The following CAMKMT variants were observed in gnomAD, a reference collection of about 807,000 sequenced individuals.
CAMKMT encodes the protein calmodulin-lysine N-methyltransferase, also known as CaM KMT.
CAMKMT carries 53 observed loss-of-function variants against 48.0 expected under a neutral mutation model. The ratio of observed to expected loss-of-function variants is 1.10; its 90% CI spans 0.89 to 1.39. The LOEUF is 1.39. Among genes scored for constraint, CAMKMT ranks in the 40% most tolerant of loss-of-function variants. CAMKMT has a pLI of 0.00. For missense variants in CAMKMT, 428 were observed against 402.7 expected (o/e 1.06, Z -0.54); for synonymous variants, 165 against 152.3 (o/e 1.08, Z -0.61).
At chr2:44,631,784 C>G in intron 3 of CAMKMT, 1 of 350,844 alleles carries the variant, frequency 2.9e-6, no homozygotes, top group Non-Finnish European at 5.1e-6. Flanking sequence ...TTCTTTTTAC[C>G]TCTTTCCTGT....
chr2:44,570,957 CA>C (rs1463471131), intron 3 of CAMKMT, among the ~76,000 whole-genome samples: 1 of 151,870 alleles, frequency 6.6e-6, no homozygotes, highest in African/African-American at 2.4e-5. Context: ...TTATTGATAC[CA>C]AAAAACACCA....
chr2:44,505,475 G>A (rs966614474), intron 3 of CAMKMT, among the ~76,000 whole-genome samples: 1 of 152,088 alleles, frequency 6.6e-6, no homozygotes, highest in Non-Finnish European at 1.5e-5. Context: ...TCTAGGTCCT[G>A]AAAACTTTTC....
In CAMKMT at chr2:44,663,506, T is replaced by G. The variant is rs543208095; in HGVS notation, c.377-40777T>G. ...AACTATGGACATTTCAATGTGGACA[T>G]CAGAGAGTAATAACTTTTAAAAGGT... On this transcript the variant is annotated intron_variant, in intron 3 of 10. Transcript: ENST00000378494. Among the ~76,000 whole-genome samples the G allele has an allele frequency of 7.9e-5, 12 of 152,334 alleles. No homozygotes were observed. The South Asian group carries it at 2.5e-3, about 32-fold the overall frequency.
rs371566302 is a variant in CAMKMT, at chr2:44,644,221, A to T, written c.377-60062A>T. On this transcript the variant is annotated intron_variant, in intron 3 of 10. Coordinates refer to ENST00000378494, the MANE Select transcript of CAMKMT (RefSeq NM_024766.5). ...AATTGCCCCCTTAGGGTCATCCTGT[A>T]TAATTCTTTAATTTTAGGCCCAAAA... is the stretch of plus-strand genomic sequence containing the variant. Among the ~76,000 whole-genome samples, 126 of 152,338 alleles carry T rather than the reference A, an allele frequency of 8.3e-4. 3 individuals are homozygous for T. The South Asian group carries it at 0.02, about 25-fold the overall frequency.
chr2:44,508,100 C>A (rs995378445), intron 3 of CAMKMT, among the ~76,000 whole-genome samples: 1 of 152,168 alleles, frequency 6.6e-6, no homozygotes, highest in African/African-American at 2.4e-5. Context: ...AATGTAATGA[C>A]CTTGTCTTGA....
chr2:44,631,068 TA>T (rs1391882724), intron 3 of CAMKMT, among the ~76,000 whole-genome samples: 1 of 152,194 alleles, frequency 6.6e-6, no homozygotes, highest in Non-Finnish European at 1.5e-5. Context: ...TATGCAGCCA[TA>T]AAAAATGATG....
intron 3 of CAMKMT, among the ~76,000 whole-genome samples, chr2:44,491,940 C>T (rs191195185): frequency 1.8e-4 from 28 of 152,136 alleles, no homozygotes; most frequent in African/African-American, 6.7e-4. Context: ...AGATTTAGTT[C>T]TACTAATATT....
At position 44,657,504 on chromosome 2, in the gene CAMKMT, T is replaced by C. The variant is rs1674442078; in HGVS notation, c.377-46779T>C. On this transcript the variant is annotated intron_variant, in intron 3 of 10. Transcript: ENST00000378494. This position sits in a 1 kb window ranked among gnomAD's most constrained non-coding sequence, Gnocchi z 4.3. ...ATCAAGATATTTCTGGCCAAGGTCA[T>C]GCCTTCCATGCTTTATGGTATGTAA... 6.6e-6 allele frequency among the ~76,000 whole-genome samples: 1 copy of C among 152,226 alleles called. No homozygotes were observed. The highest frequency in any genetic ancestry group is 2.4e-5 in the African/African-American group (1 of 41,478).
At chr2:44,685,725 G>T (rs1378643046) in intron 3 of CAMKMT, among the ~76,000 whole-genome samples, 1 of 152,096 alleles carries the variant, frequency 6.6e-6, no homozygotes, top group Non-Finnish European at 1.5e-5. Flanking sequence ...CACAAGATTG[G>T]TTATAAGGTC....
At chr2:44,613,170 C>T (rs1462709813) in intron 3 of CAMKMT, among the ~76,000 whole-genome samples, 1 of 152,136 alleles carries the variant, frequency 6.6e-6, no homozygotes, top group Non-Finnish European at 1.5e-5. Context: ...AATTTTAACT[C>T]TTATGTTTGT....
At chr2:44,718,466 A>C (rs1487394265) in intron 7 of CAMKMT, among the ~76,000 whole-genome samples, 4 of 152,216 alleles carry the variant, frequency 2.6e-5, no homozygotes, top group Non-Finnish European at 5.9e-5. Context: ...TGCTTTTGAG[A>C]ATATAAATAT....
rs1167444261 is a variant in CAMKMT, at chr2:44,657,640, G to A, written c.377-46643G>A. ...GTTCCTGGGGCCACGTCTGAAAGCA[G>A]CTTATCACTTCACTAATACAGCAAA... is the stretch of plus-strand genomic sequence containing the variant. On this transcript the variant is annotated intron_variant, in intron 3 of 10. Coordinates refer to ENST00000378494, the MANE Select transcript of CAMKMT (RefSeq NM_024766.5). The surrounding 1 kb of genome is among the most constrained non-coding windows in gnomAD (Gnocchi z 4.3). Among the ~76,000 whole-genome samples the A allele has an allele frequency of 2.0e-5, 3 of 152,168 alleles. No homozygotes were observed. The highest frequency in any genetic ancestry group is 7.2e-5 in the African/African-American group (3 of 41,444).
chr2:44,511,648 T>C (rs929942433), intron 3 of CAMKMT, among the ~76,000 whole-genome samples: 1 of 152,196 alleles, frequency 6.6e-6, no homozygotes, highest in African/African-American at 2.4e-5. Context: ...AATCGTTACA[T>C]TGGACTTTTG....
chr2:44,490,116 A>G (rs1425032605), intron 3 of CAMKMT, among the ~76,000 whole-genome samples: 1 of 152,198 alleles, frequency 6.6e-6, no homozygotes, highest in Non-Finnish European at 1.5e-5. Context: ...GACAGATGCA[A>G]AAATCCTTTT....
intron 7 of CAMKMT, among the ~76,000 whole-genome samples, chr2:44,727,547 C>T (rs1346257400): frequency 6.6e-6 from 1 of 152,190 alleles, no homozygotes; most frequent in Non-Finnish European, 1.5e-5. Flanking sequence ...AGTATAGAAT[C>T]ATATCAACAG....
chr2:44,405,146 A>T (rs933460093), intron 3 of CAMKMT, among the ~76,000 whole-genome samples: 5 of 152,052 alleles, frequency 3.3e-5, no homozygotes, highest in African/African-American at 1.2e-4. Flanking sequence ...CAAGGTTTAA[A>T]AGAGGTTAAG....
chr2:44,596,240 G>A (rs982191972), intron 3 of CAMKMT, among the ~76,000 whole-genome samples: 1 of 152,054 alleles, frequency 6.6e-6, no homozygotes, highest in Non-Finnish European at 1.5e-5. Flanking sequence ...CTTCAGGTCA[G>A]GAGTTCGAGA....
chr2:44,448,016 C>T (rs1291257854), intron 3 of CAMKMT, among the ~76,000 whole-genome samples: 2 of 152,030 alleles, frequency 1.3e-5, no homozygotes, highest in Non-Finnish European at 2.9e-5. Context: ...TATTCTGTTT[C>T]TTAATTTTTT....
At chr2:44,761,430 A>G (rs1680614873) in intron 9 of CAMKMT, among the ~76,000 whole-genome samples, 2 of 152,176 alleles carry the variant, frequency 1.3e-5, no homozygotes, top group Non-Finnish European at 1.5e-5. Context: ...AGAAGGTGGG[A>G]CCTAAGTCAA....
Sources: allele counts gnomAD v4.1 joint callset (sites outside exome capture counted in the v4.1 genomes callset), GRCh38; gene constraint gnomAD v4.1.1; non-coding constraint Gnocchi (gnomAD v3.1); transcripts MANE v1.5; gene names NCBI Gene and HGNC (gene_info 2026-07-23, HGNC 2026-07-21).